Variants in KIF5B observed in about 807,000 individuals in gnomAD.
The protein encoded by KIF5B is kinesin family member 5B, also known as kinesin-1 heavy chain.
A neutral mutation model predicts 132.8 loss-of-function variants in KIF5B; 49 were observed. The observed-to-expected ratio is 0.37, with a 90% CI of 0.29 to 0.47. The LOEUF is 0.47. KIF5B is among the 20% of genes least tolerant of loss of function. KIF5B has a pLI of 1.00. For synonymous variants in KIF5B, 355 were observed against 369.4 expected (o/e 0.96, Z 0.45); for missense variants, 780 against 1,144.0 (o/e 0.68, Z 4.59).
chr10:32,036,891 C>T (rs934670703), intron 8 of KIF5B, among the ~76,000 whole-genome samples: 3 of 152,196 alleles, frequency 2.0e-5, no homozygotes, highest in African/African-American at 7.2e-5. Context: ...AAAGACTAAT[C>T]GAGAGTTACC....
intron 1 of KIF5B, among the ~76,000 whole-genome samples, chr10:32,053,655 C>T (rs1392469009): frequency 6.6e-6 from 1 of 151,070 alleles, no homozygotes; most frequent in African/African-American, 2.4e-5. Flanking sequence ...ACCCGGGAGG[C>T]GGAGGTTGCA....
Position 32,035,443 on chromosome 10 carries a change from A to G in KIF5B, c.962+79T>C. The G allele has an allele frequency of 6.3e-6, 8 of 1,276,930 alleles. No homozygotes were observed. In the South Asian group the frequency reaches 8.3e-5, roughly 13 times the overall value. 79.1% of individuals were successfully genotyped at this position (1,276,930 alleles called of 1,614,324 possible). A position where few individuals can be genotyped will look rare whatever the true frequency, so the allele number is the denominator to read the frequency against. On this transcript the variant is annotated intron_variant, in intron 10 of 25. Transcript: ENST00000302418. ...CACAAAACAGTATGTACAGGTTGGA[A>G]TAACAGCTCACATTTTCCTACATTT...
intron 1 of KIF5B, among the ~76,000 whole-genome samples, chr10:32,052,945 T>G (rs1289008614): frequency 2.6e-5 from 4 of 152,232 alleles, no homozygotes; most frequent in Admixed American, 2.0e-4. Flanking sequence ...GACAAAGTAT[T>G]AAAAACTCAA....
At chr10:32,054,951 G>C (rs889318304) in intron 1 of KIF5B, among the ~76,000 whole-genome samples, 1 of 150,944 alleles carries the variant, frequency 6.6e-6, no homozygotes, top group African/African-American at 2.4e-5. Flanking sequence ...TTTTCTTCAA[G>C]ATAGACCTTA....
At chr10:32,035,704 A>G (rs747300882) in intron 9 of KIF5B, 37 bp from the exon 10 acceptor site, 3 of 1,563,404 alleles carry the variant, frequency 1.9e-6, no homozygotes, top group Admixed American at 1.9e-5. Context: ...CAAGACCAGT[A>G]TAATAAAATG....
intron 14 of KIF5B, among the ~76,000 whole-genome samples, chr10:32,030,717 C>A (rs1387026561): frequency 6.6e-6 from 1 of 152,124 alleles, no homozygotes; most frequent in Admixed American, 6.5e-5. Context: ...TTTGAACAAT[C>A]ATCTAATAGC....
At chr10:32,030,788 T>G (rs1025264867) in intron 14 of KIF5B, among the ~76,000 whole-genome samples, 1 of 152,176 alleles carries the variant, frequency 6.6e-6, no homozygotes, top group African/African-American at 2.4e-5. Flanking sequence ...TAACATTAGA[T>G]TCTACATGCT....
chr10:32,050,775 G>A (rs1343209170), intron 1 of KIF5B, among the ~76,000 whole-genome samples: 8 of 152,172 alleles, frequency 5.3e-5, no homozygotes. Context: ...AGATGCTACT[G>A]AAACAATTAA....
chr10:32,032,707 T>A lies in KIF5B; in HGVS notation c.1373A>T (p.Glu458Val). The stretch of plus-strand genomic sequence containing the variant: ...CAATGTAAAAGGTATTCAACTCACC[T>A]CCTCCTGATCCAACATTTGCGTCTT... Reference protein sequence around the residue: ...KLKTQMLDQEELLASTRRDQD... With the variant: ...KLKTQMLDQEVLLASTRRDQD... The change falls in exon 13 of 26, where the codon GAG becomes GTG. Residue 458 changes from glutamate (E) to valine (V), a missense_variant and splice_region_variant. By Grantham distance (121) the Glu-to-Val change is moderately radical. Transcript: ENST00000302418. 2.5e-6 allele frequency: 4 copies of A among 1,612,172 alleles called. No individual in the cohort carries two copies. Among genetic ancestry groups the A allele is most frequent in the African/African-American group, 1.3e-5 (1 of 75,002 alleles).
At position 32,017,236 on chromosome 10, in the gene KIF5B, G is replaced by A. The variant is rs760268366; in HGVS notation, c.2668C>T (p.Arg890Cys). ...TCTTGCTGATAGCGTTTGCGATCAC[G>A]AGATGCATTTTCTTTAGCTTCTTTC... ...ALKEAKENAS[R>C]DRKRYQQEVD... The change falls in exon 24 of 26, where the codon CGT (arginine) becomes TGT (cysteine). Residue 890 changes from arginine to cysteine, a missense_variant. Transcript: ENST00000302418. The A allele has an allele frequency of 5.0e-6, 8 of 1,614,048 alleles. No homozygotes were observed. Among genetic ancestry groups the A allele is most frequent in the African/African-American group, 2.7e-5 (2 of 74,928 alleles).
intron 13 of KIF5B, among the ~76,000 whole-genome samples, chr10:32,032,239 A>G (rs1841412076): frequency 6.6e-6 from 1 of 152,162 alleles, no homozygotes; most frequent in Non-Finnish European, 1.5e-5. Flanking sequence ...AATGCAAAAT[A>G]TCAATAGTGC....
chr10:32,036,253 T>G (rs528700418), intron 8 of KIF5B, among the ~76,000 whole-genome samples: 1 of 152,334 alleles, frequency 6.6e-6, no homozygotes, highest in Non-Finnish European at 1.5e-5. Flanking sequence ...TGTAGTTCAT[T>G]AATCTGTTAG....
chr10:32,021,643 C>T (rs760508443), intron 17 of KIF5B, among the ~76,000 whole-genome samples: 6 of 151,826 alleles, frequency 4.0e-5, no homozygotes, highest in Admixed American at 3.3e-4. Context: ...CCCAGATTGG[C>T]TATTTCCATA....
At chr10:32,049,728 T>C (rs1189890746) in intron 1 of KIF5B, among the ~76,000 whole-genome samples, 1 of 142,768 alleles carries the variant, frequency 7.0e-6, no homozygotes, top group Non-Finnish European at 1.6e-5. Context: ...CCAGGGGTAT[T>C]GAACAAAAAA....
rs563454120 is a variant in KIF5B, at chr10:32,018,645, T to C, written c.2307-83A>G. 6 of 1,019,922 alleles carry C rather than the reference T, an allele frequency of 5.9e-6. No homozygotes were observed. The East Asian group carries it at 1.5e-4, about 26-fold the overall frequency. The allele number at this position is 1,019,922 out of a possible 1,614,324, so 63.2% of individuals were successfully genotyped here. On this transcript the variant is annotated intron_variant, in intron 20 of 25. Transcript: ENST00000302418. ...CATGAGAGTTGAATAAAATATTTTG[T>C]GTCTGAAAGGATAAATTCTTAAATT... is the stretch of plus-strand genomic sequence containing the variant.
At chr10:32,038,865 T>A in intron 4 of KIF5B, 39 bp from the exon 5 acceptor site, 1 of 1,257,460 alleles carries the variant, frequency 8.0e-7, no homozygotes, top group Non-Finnish European at 1.1e-6. Context: ...TCAACTAAAG[T>A]TATATAACTT....
At chr10:32,012,382 G>A (rs191331472) in intron 25 of KIF5B, among the ~76,000 whole-genome samples, 1 of 152,264 alleles carries the variant, frequency 6.6e-6, no homozygotes, top group East Asian at 1.9e-4. Context: ...GGGTGAGGCA[G>A]GGAGAACTGC....
chr10:32,043,172 T>G (rs980414271), intron 2 of KIF5B, among the ~76,000 whole-genome samples: 1 of 152,082 alleles, frequency 6.6e-6, no homozygotes, highest in African/African-American at 2.4e-5. Flanking sequence ...CCCGGCTAAT[T>G]TTTTATTTTT....
chr10:32,025,380 T>C (rs1841321915), intron 15 of KIF5B, among the ~76,000 whole-genome samples: 1 of 152,156 alleles, frequency 6.6e-6, no homozygotes, highest in Non-Finnish European at 1.5e-5. Flanking sequence ...CATGAATTAT[T>C]ATTATTTTTT....
Sources: allele counts gnomAD v4.1 joint callset (sites outside exome capture counted in the v4.1 genomes callset), GRCh38; gene constraint gnomAD v4.1.1; transcripts MANE v1.5; gene names NCBI Gene and HGNC (gene_info 2026-07-23, HGNC 2026-07-21).